XKR5: variants seen among roughly 807,000 people sequenced by gnomAD.
XKR5 encodes XK-related protein 5.
Under a neutral mutation model 40.8 loss-of-function variants are expected in XKR5, and 46 were observed. The observed-to-expected ratio is 1.13, with a 90% CI of 0.89 to 1.44. XKR5 has a LOEUF of 1.44. Ranked by LOEUF, XKR5 falls within the 40% of genes most tolerant of loss-of-function variation. The pLI is 0.00. For missense variants in XKR5, 1,169 were observed against 844.7 expected (o/e 1.38, Z -4.76); for synonymous variants, 466 against 356.1 (o/e 1.31, Z -3.48).
chr8:6,829,901 A>G (rs777887494), intron 2 of XKR5, among the ~76,000 whole-genome samples: 65 of 128,240 alleles, frequency 5.1e-4, no homozygotes, highest in Middle Eastern at 0.014. Context: ...CCAGTGATGC[A>G]ATCTCGGCTC....
At position 6,811,490 on chromosome 8, in the gene XKR5, G is replaced by A. The variant is rs552750804; in HGVS notation, c.1769C>T (p.Pro590Leu). The change falls in exon 7 of 7, where the codon CCC becomes CTC. Residue 590 changes from proline (P) to leucine (L), a missense_variant. Coordinates refer to ENST00000618742, the MANE Select transcript of XKR5 (RefSeq NM_207411.5). The part of the protein sequence containing the change: ...PASPHPVGLA[P>L]FPDTMADISP... ...AATGTCGGCCATGGTGTCGGGGAAG[G>A]GCGCCAAGCCCACTGGGTGGGGCGA... 1.3e-6 allele frequency: 2 copies of A among 1,528,120 alleles called. No homozygotes were observed. The highest frequency in any genetic ancestry group is 2.4e-5 in the East Asian group (1 of 40,846). The allele number at this position is 1,528,120 out of a possible 1,614,324, so 94.7% of individuals were successfully genotyped here.
At chr8:6,815,744 A>G in intron 6 of XKR5, 63 bp downstream of exon 6, 2 of 1,215,738 alleles carry the variant, frequency 1.6e-6, no homozygotes, top group Non-Finnish European at 2.3e-6. Context: ...CTTTGAGCCC[A>G]TTGTAAAAAA....
At chr8:6,826,464 T>G (rs1804483406) in intron 2 of XKR5, among the ~76,000 whole-genome samples, 1 of 152,034 alleles carries the variant, frequency 6.6e-6, no homozygotes, top group African/African-American at 2.4e-5. Flanking sequence ...AGGGAGCAGG[T>G]GCAGGAAATA....
intron 5 of XKR5, among the ~76,000 whole-genome samples, chr8:6,818,964 C>G (rs1804093012): frequency 6.6e-6 from 1 of 152,242 alleles, no homozygotes; most frequent in Non-Finnish European, 1.5e-5. Flanking sequence ...ATCACTTGAG[C>G]CTAGAAAGTC....
chr8:6,812,235 T>A lies in XKR5; in HGVS notation c.1024A>T (p.Thr342Ser). ...KSCGIAGGDKTERRDSPRATD... is the reference protein window; with the variant it reads ...KSCGIAGGDKSERRDSPRATD... ...GCCCGGGGAGAATCTCTTCTCTCTGTTTTATCACCTCCTGCAATGCCACAG... is the reference window on the plus strand; with the variant it reads ...GCCCGGGGAGAATCTCTTCTCTCTGATTTATCACCTCCTGCAATGCCACAG... The change falls in exon 7 of 7, where the codon ACA becomes TCA. Residue 342 changes from threonine to serine, a missense_variant. Thr to Ser is a moderately conservative substitution (Grantham distance 58). Transcript: ENST00000618742. 1 of 1,552,450 alleles carries A rather than the reference T, an allele frequency of 6.4e-7. No homozygotes were observed. Among genetic ancestry groups the A allele is most frequent in the Non-Finnish European group, 8.7e-7 (1 of 1,147,184 alleles).
chr8:6,815,803 T>C lies in XKR5; in HGVS notation c.919+4A>G, dbSNP rs2117084156. ...GCAGAGAAGAAGGTGACATTGGGAC[T>C]TACCAATCAGAAATCCAGACAGGAC... is the stretch of plus-strand genomic sequence containing the variant. On this transcript the variant is annotated splice_donor_region_variant and intron_variant, in intron 6 of 6. Coordinates refer to ENST00000618742, the MANE Select transcript of XKR5 (RefSeq NM_207411.5). 1 of 1,589,028 alleles carries C rather than the reference T, an allele frequency of 6.3e-7. No homozygotes were observed. The highest frequency in any genetic ancestry group is 1.3e-5 in the African/African-American group (1 of 74,386).
intron 5 of XKR5, among the ~76,000 whole-genome samples, chr8:6,819,463 C>G (rs1205341925): frequency 6.6e-6 from 1 of 152,234 alleles, no homozygotes; most frequent in Non-Finnish European, 1.5e-5. Context: ...GTTTCAGGTG[C>G]TGGCCACTCA....
intron 6 of XKR5, 92 bp from the exon 7 acceptor site, chr8:6,812,431 A>T (rs1415110644): frequency 7.6e-7 from 1 of 1,319,352 alleles, no homozygotes; most frequent in Non-Finnish European, 1.0e-6. Flanking sequence ...CCTTTTGTGT[A>T]GAGGAAGATA....
chr8:6,809,814 A>C lies in XKR5; in HGVS notation c.*1384T>G, dbSNP rs1043453273. ...AATCCAAAAGTGTTTGGAGAGAATA[A>C]AAACTACCCATTCTGGCTGGGCACG... On this transcript the variant is annotated 3_prime_UTR_variant, in exon 7 of 7. Coordinates refer to ENST00000618742, the MANE Select transcript of XKR5 (RefSeq NM_207411.5). 3 of 152,162 alleles carry C rather than the reference A, an allele frequency of 2.0e-5. No homozygotes were observed. The highest frequency in any genetic ancestry group is 7.2e-5 in the African/African-American group (3 of 41,428). 9.4% of individuals were successfully genotyped at this position (152,162 alleles called of 1,614,324 possible).
At chr8:6,815,131 G>C (rs1040285398) in intron 6 of XKR5, among the ~76,000 whole-genome samples, 2 of 152,236 alleles carry the variant, frequency 1.3e-5, no homozygotes, top group Non-Finnish European at 2.9e-5. Flanking sequence ...GAGAGTGACA[G>C]TGGTGGAAGC....
intron 2 of XKR5, among the ~76,000 whole-genome samples, chr8:6,828,337 G>A (rs562090244): frequency 6.6e-6 from 1 of 152,304 alleles, no homozygotes; most frequent in African/African-American, 2.4e-5. Context: ...CAGTGGCACA[G>A]GGTACAAGGC....
rs553816457 is a variant in XKR5, at chr8:6,835,229, G to C, written c.58+207C>G. On this transcript the variant is annotated intron_variant, in intron 1 of 6. Coordinates refer to ENST00000618742, the MANE Select transcript of XKR5 (RefSeq NM_207411.5). Reference sequence around the variant, plus strand: ...GGTGGAGGAAAATCATGCATCCTTGGGGGGATGGTGCATGCGTGGGCATCT... The same window carrying C: ...GGTGGAGGAAAATCATGCATCCTTGCGGGGATGGTGCATGCGTGGGCATCT... Among the ~76,000 whole-genome samples, 471 of 152,144 alleles carry C rather than the reference G, an allele frequency of 3.1e-3. 2 individuals carry two copies. The highest frequency in any genetic ancestry group is 0.011 in the African/African-American group (456 of 41,498).
intron 2 of XKR5, among the ~76,000 whole-genome samples, chr8:6,830,739 G>T (rs1163552830): frequency 1.3e-5 from 2 of 151,994 alleles, no homozygotes; most frequent in Non-Finnish European, 2.9e-5. Context: ...TAATTTTCAT[G>T]TATCTCTTCA....
chr8:6,824,874 T>G (rs531622082), intron 3 of XKR5, among the ~76,000 whole-genome samples: 1 of 152,316 alleles, frequency 6.6e-6, no homozygotes. Flanking sequence ...AGTGAGTTTA[T>G]GGAGAGGCAG....
At chr8:6,833,394 G>A (rs1252057237) in intron 1 of XKR5, among the ~76,000 whole-genome samples, 1 of 152,212 alleles carries the variant, frequency 6.6e-6, no homozygotes, top group African/African-American at 2.4e-5. Context: ...CCTAGGACCT[G>A]TGAGTACAGC....
intron 2 of XKR5, among the ~76,000 whole-genome samples, chr8:6,827,235 C>A (rs190668330): frequency 2.0e-5 from 3 of 152,136 alleles, no homozygotes; most frequent in Non-Finnish European, 4.4e-5. Context: ...TGACCACAGC[C>A]GCCTGCACAC....
chr8:6,830,232 T>C (rs1804699635), intron 2 of XKR5, among the ~76,000 whole-genome samples: 1 of 152,218 alleles, frequency 6.6e-6, no homozygotes, highest in Admixed American at 6.5e-5. Flanking sequence ...CAAAGTGACC[T>C]ATTCTTAGGC....
At chr8:6,835,185 G>T (rs907498853) in intron 1 of XKR5, among the ~76,000 whole-genome samples, 3 of 123,076 alleles carry the variant, frequency 2.4e-5, no homozygotes, top group African/African-American at 5.8e-5. Flanking sequence ...CCAGTCGGGA[G>T]GGGGGGGAAC....
At position 6,835,350 on chromosome 8, in the gene XKR5, G is replaced by A. The variant is rs1292816098; in HGVS notation, c.58+86C>T. ...GCGCAGGCTGGGGCAGTGCCCGCCC[G>A]GGCATAGGCAGCCTGTGCGGCTCCC... is the stretch of plus-strand genomic sequence containing the variant. On this transcript the variant is annotated intron_variant, in intron 1 of 6. Transcript: ENST00000618742. 6 of 1,296,662 alleles carry A rather than the reference G, an allele frequency of 4.6e-6. No homozygotes were observed. The East Asian group carries it at 9.5e-5, about 20-fold the overall frequency. The allele number at this position is 1,296,662 out of a possible 1,614,324, so 80.3% of individuals were successfully genotyped here. A position where few individuals can be genotyped will look rare whatever the true frequency, so the allele number is the denominator to read the frequency against.
Sources: gnomAD v4.1 joint callset for allele counts (sites outside exome capture counted in the v4.1 genomes callset) on GRCh38, gnomAD v4.1.1 for gene constraint, MANE v1.5 for transcripts, NCBI Gene and HGNC (gene_info 2026-07-23, HGNC 2026-07-21) for gene names.